ACSL4: variants seen among roughly 807,000 people sequenced by gnomAD.
The protein encoded by ACSL4 is acyl-CoA synthetase long chain family member 4, also known as long-chain-fatty-acid--CoA ligase 4.
Under a neutral mutation model 49.1 loss-of-function variants are expected in ACSL4, and 9 were observed. The ratio of observed to expected loss-of-function variants is 0.18; its 90% CI spans 0.11 to 0.32. The LOEUF is 0.32. Among genes scored for constraint, ACSL4 ranks in the 10% least tolerant of loss-of-function variants. The probability of loss-of-function intolerance (pLI) is 1.00; values close to 1 mark genes in which losing one functional copy is unlikely to be tolerated. For synonymous variants in ACSL4, 191 were observed against 170.3 expected (o/e 1.12, Z -0.95); for missense variants, 333 against 493.7 (o/e 0.67, Z 3.08).
chrX:109,665,383 T>G, intron 12 of ACSL4, 37 bp downstream of exon 12: 1 of 1,117,422 alleles, frequency 8.9e-7, no homozygotes, highest in Non-Finnish European at 1.2e-6. Context: ...GTTTTCAGCA[T>G]ATCTTGAATC....
rs1353786798 is a variant in ACSL4 at position 109,678,322 on chromosome X, T to A, written c.749A>T (p.His250Leu). The A allele has an allele frequency of 1.7e-6, 2 of 1,210,102 alleles. No homozygotes were observed. Among genetic ancestry groups the A allele is most frequent in the Non-Finnish European group, 2.2e-6 (2 of 895,241 alleles). Residue 250 changes from histidine (H) to leucine (L), a missense_variant, in exon 7 of 16, where the codon CAT becomes CTT. By Grantham distance (99) the His-to-Leu change is moderately conservative. Around this residue, in one of 3 missense-constraint regions of ACSL4, gnomAD observed 157 missense variants for 201.1 expected, o/e 0.78. Transcript: ENST00000672401. ...CATTCCAGCTATCAAATTGCTATGA[T>A]GCATCATCACTCCCTTAGGTCGGCC... Reference protein sequence around the residue: ...STGRPKGVMMHHSNLIAGMTG... With the variant: ...STGRPKGVMMLHSNLIAGMTG...
At chrX:109,721,038 T>C (rs1927508757) in intron 1 of ACSL4, among the ~76,000 whole-genome samples, 1 of 112,507 alleles carries the variant, frequency 8.9e-6, no homozygotes, top group South Asian at 3.6e-4. Context: ...AGTAAAGTTG[T>C]GATTTTTCAA....
At chrX:109,709,990 C>G (rs1926640898) in intron 1 of ACSL4, among the ~76,000 whole-genome samples, 1 of 111,415 alleles carries the variant, frequency 9.0e-6, no homozygotes, top group South Asian at 3.8e-4. Flanking sequence ...CTGTAATCCC[C>G]TCTACTCAGG....
At chrX:109,658,739 C>T (rs920782780) in intron 15 of ACSL4, among the ~76,000 whole-genome samples, 4 of 111,514 alleles carry the variant, frequency 3.6e-5, no homozygotes, top group African/African-American at 1.3e-4. Context: ...CCATGTCCTC[C>T]CAAGTAGGTT....
At chrX:109,694,125 C>T (rs936160565) in intron 2 of ACSL4, among the ~76,000 whole-genome samples, 1 of 112,259 alleles carries the variant, frequency 8.9e-6, no homozygotes, top group Admixed American at 9.5e-5. Flanking sequence ...ACAGCTAATT[C>T]TGATCTGCTG....
At chrX:109,649,294 G>A (rs967924181) in intron 15 of ACSL4, among the ~76,000 whole-genome samples, 18 of 111,558 alleles carry the variant, frequency 1.6e-4, no homozygotes, top group African/African-American at 1.6e-4. Flanking sequence ...GGCTACAGTA[G>A]CCAAAACAGC....
intron 1 of ACSL4, among the ~76,000 whole-genome samples, chrX:109,707,523 C>T (rs1569438913): frequency 9.0e-6 from 1 of 111,556 alleles, no homozygotes; most frequent in African/African-American, 3.3e-5. Flanking sequence ...AGACCAGAGG[C>T]GGAGCTCAGG....
At chrX:109,663,151 C>T (rs1420349961) in intron 13 of ACSL4, 60 bp downstream of exon 13, 5 of 1,002,907 alleles carry the variant, frequency 5.0e-6, no homozygotes, top group Admixed American at 2.7e-5. Flanking sequence ...TCAATATTAC[C>T]TTTCATATAT....
chrX:109,655,034 C>T (rs759624803), intron 15 of ACSL4, among the ~76,000 whole-genome samples: 1 of 111,279 alleles, frequency 9.0e-6, no homozygotes, highest in African/African-American at 3.3e-5. Context: ...ATTGCCCGGG[C>T]AAAAGACTGG....
At chrX:109,686,009 C>A (rs1318689409) in intron 2 of ACSL4, among the ~76,000 whole-genome samples, 1 of 111,240 alleles carries the variant, frequency 9.0e-6, no homozygotes, top group Non-Finnish European at 1.9e-5. Flanking sequence ...TTGGAAAGTA[C>A]CTTCTTAGTC....
chrX:109,671,715 G>A (rs1338436326), intron 9 of ACSL4, among the ~76,000 whole-genome samples: 3 of 112,254 alleles, frequency 2.7e-5, no homozygotes, highest in Non-Finnish European at 3.8e-5. Flanking sequence ...AGGAGACTCC[G>A]TTTTGTTCTG....
chrX:109,695,627 G>A (rs1269583024), intron 2 of ACSL4: 1 of 110,615 alleles, frequency 9.0e-6, no homozygotes, highest in African/African-American at 3.3e-5. Context: ...GGGAGGCGGA[G>A]GTGGAGGTTG....
intron 9 of ACSL4, among the ~76,000 whole-genome samples, chrX:109,673,576 T>C (rs189985215): frequency 1.8e-5 from 2 of 112,437 alleles, no homozygotes; most frequent in Non-Finnish European, 3.8e-5. Context: ...ACTTCTTTGT[T>C]ATTTGGTAAT....
At chrX:109,715,341 T>C (rs1927045279) in intron 1 of ACSL4, among the ~76,000 whole-genome samples, 1 of 110,985 alleles carries the variant, frequency 9.0e-6, no homozygotes. Context: ...TTTCTGTAAT[T>C]TAAAATCATA....
At chrX:109,646,938 A>G (rs1343481825) in intron 15 of ACSL4, among the ~76,000 whole-genome samples, 6 of 112,042 alleles carry the variant, frequency 5.4e-5, no homozygotes, top group African/African-American at 1.9e-4. Context: ...GCCATCACAT[A>G]ATGGTAAAGG....
intron 1 of ACSL4, among the ~76,000 whole-genome samples, chrX:109,724,333 G>A (rs1927797899): frequency 2.7e-5 from 3 of 111,027 alleles, no homozygotes; most frequent in African/African-American, 9.8e-5. Flanking sequence ...GGAATGCAGT[G>A]GAGTGACCTT....
At chrX:109,683,097 C>T (rs1924305947) in intron 3 of ACSL4, 39 bp downstream of exon 3, 1 of 1,168,578 alleles carries the variant, frequency 8.6e-7, no homozygotes, top group Non-Finnish European at 1.2e-6. Context: ...ATGTGTCTTC[C>T]TCTTTAAAAC....
Position 109,668,284 on chromosome X carries a change from G to A in ACSL4, c.1143-11C>T. On this transcript the variant is annotated splice_polypyrimidine_tract_variant and intron_variant, in intron 10 of 15. Transcript: ENST00000672401. ...TTTTTAAACAGTAACCTTAATAAAG[G>A]GAGGATAAATGATTTTAATGTACGC... The A allele has an allele frequency of 2.2e-5, 26 of 1,186,761 alleles. No individual in the cohort carries two copies. The highest frequency in any genetic ancestry group is 3.0e-5 in the Non-Finnish European group (26 of 877,441).
chrX:109,658,638 T>C (rs1921900689), intron 15 of ACSL4, among the ~76,000 whole-genome samples: 1 of 111,877 alleles, frequency 8.9e-6, no homozygotes, highest in Admixed American at 9.5e-5. Context: ...TTCATACCTA[T>C]TTGCCTTTCT....
Sources: allele counts gnomAD v4.1 joint callset (sites outside exome capture counted in the v4.1 genomes callset), GRCh38; gene constraint gnomAD v4.1.1; regional missense constraint gnomAD v4.1.1; transcripts MANE v1.5; gene names NCBI Gene and HGNC (gene_info 2026-07-23, HGNC 2026-07-21).